COMT: variants seen among roughly 807,000 people sequenced by gnomAD.
COMT encodes the protein catechol-O-methyltransferase.
Under a neutral mutation model 18.9 loss-of-function variants are expected in COMT, and 13 were observed. The observed-to-expected ratio is 0.69, with a 90% CI of 0.45 to 1.09. The LOEUF (loss-of-function observed/expected upper bound fraction) is 1.09, where lower values mean the gene tolerates loss of function less well. Ranked by LOEUF, COMT falls within the 50% of genes least tolerant of loss-of-function variation. The pLI, the probability that COMT is intolerant of heterozygous loss-of-function variation, is 0.00. For missense variants in COMT, 329 were observed against 361.8 expected, an observed-to-expected ratio of 0.91 and a Z score of 0.73; for synonymous variants, 150 against 160.9, an observed-to-expected ratio of 0.93 and a Z score of 0.51.
At chr22:19,952,912 C>G (rs1305249407) in intron 1 of COMT, among the ~76,000 whole-genome samples, 2 of 151,918 alleles carry the variant, frequency 1.3e-5, no homozygotes, top group African/African-American at 2.4e-5. Flanking sequence ...GATCGCGCCA[C>G]TGCACTCCAG....
intron 1 of COMT, among the ~76,000 whole-genome samples, chr22:19,943,603 C>T (rs897838760): frequency 1.3e-5 from 2 of 150,672 alleles, no homozygotes; most frequent in Non-Finnish European, 3.0e-5. Flanking sequence ...GATCTTGCCT[C>T]TATACTCCAG....
chr22:19,967,451 A>C, intron 5 of COMT: 2 of 458,534 alleles, frequency 4.4e-6, no homozygotes, highest in Non-Finnish European at 8.9e-6. Context: ...TTCCTGCTCA[A>C]CTCCGGACCT....
At chr22:19,961,117 G>A (rs1942182878) in intron 1 of COMT, 82 bp from the exon 2 acceptor site, 2 of 152,394 alleles carry the variant, frequency 1.3e-5, no homozygotes, top group South Asian at 4.1e-4. Context: ...TCCGGGGAAG[G>A]GGCTCAGGTA....
chr22:19,952,377 T>G (rs9605040), intron 1 of COMT, among the ~76,000 whole-genome samples: 2 of 150,606 alleles, frequency 1.3e-5, no homozygotes, highest in Admixed American at 6.6e-5. Context: ...CGGTGGCTCA[T>G]GCCTGTAATC....
chr22:19,956,736 T>C (rs1942072774), intron 1 of COMT, among the ~76,000 whole-genome samples: 1 of 151,860 alleles, frequency 6.6e-6, no homozygotes, highest in Non-Finnish European at 1.5e-5. Context: ...GTCATATAAT[T>C]AGTTTATTTT....
chr22:19,956,593 A>G (rs1456893268), intron 1 of COMT, among the ~76,000 whole-genome samples: 1 of 151,914 alleles, frequency 6.6e-6, no homozygotes, highest in Non-Finnish European at 1.5e-5. Flanking sequence ...GGCCAGGCTG[A>G]TCTCGAAATC....
At chr22:19,951,535 G>A (rs903164787) in intron 1 of COMT, 9 of 152,202 alleles carry the variant, frequency 5.9e-5, no homozygotes, top group African/African-American at 1.7e-4. Flanking sequence ...AGATAACACG[G>A]ATCGCTGTGT....
intron 1 of COMT, among the ~76,000 whole-genome samples, chr22:19,943,894 G>C (rs1941792332): frequency 9.9e-6 from 1 of 100,674 alleles, no homozygotes; most frequent in Non-Finnish European, 2.1e-5. Context: ...TGGCATGCAG[G>C]AGCTGGAGGG....
At chr22:19,955,803 A>G (rs974903608) in intron 1 of COMT, among the ~76,000 whole-genome samples, 4 of 152,202 alleles carry the variant, frequency 2.6e-5, no homozygotes, top group Non-Finnish European at 4.4e-5. Flanking sequence ...GTGTGCCCCA[A>G]ATGGCCAGTG....
chr22:19,944,987 A>G (rs147945742), intron 1 of COMT, among the ~76,000 whole-genome samples: 231 of 152,346 alleles, frequency 1.5e-3, no homozygotes, highest in African/African-American at 5.2e-3. Flanking sequence ...ATTCTTATTT[A>G]CCAAATAATT....
At chr22:19,960,658 C>T (rs1942172758) in intron 1 of COMT, among the ~76,000 whole-genome samples, 1 of 152,252 alleles carries the variant, frequency 6.6e-6, no homozygotes, top group South Asian at 2.1e-4. Context: ...CAGCTGTGGA[C>T]AGGGGCACCC....
intron 1 of COMT, among the ~76,000 whole-genome samples, chr22:19,959,617 C>T (rs1231522715): frequency 6.6e-6 from 1 of 152,228 alleles, no homozygotes; most frequent in Non-Finnish European, 1.5e-5. Flanking sequence ...GTTGGTGGCC[C>T]GGGGCAGCCA....
intron 1 of COMT, among the ~76,000 whole-genome samples, chr22:19,954,639 A>G (rs1357230034): frequency 1.3e-5 from 2 of 151,988 alleles, no homozygotes; most frequent in Non-Finnish European, 2.9e-5. Context: ...TTTAATAGAG[A>G]CTGGGGTTTC....
At position 19,969,473 on chromosome 22, in the gene COMT, T is replaced by A. The variant is rs1942619933; in HGVS notation, c.*737T>A. On this transcript the variant is annotated 3_prime_UTR_variant, in exon 6 of 6. Transcript: ENST00000361682. ...TCCCTGTAGTTGCCTCCCTGGCCCA[T>A]GAGTGAGGATGCAGTGCTGGTTTCT... 6.6e-6 allele frequency: 1 copy of A among 152,214 alleles called. No homozygotes were observed. Among genetic ancestry groups the A allele is most frequent in the South Asian group, 2.1e-4 (1 of 4,812 alleles). 9.4% of individuals were successfully genotyped at this position (152,214 alleles called of 1,614,324 possible).
In COMT at chr22:19,964,374, G is replaced by C. The variant is rs4646315; in HGVS notation, c.615+75G>C. On this transcript the variant is annotated intron_variant, in intron 5 of 5. Coordinates refer to ENST00000361682, the MANE Select transcript of COMT (RefSeq NM_000754.4). Reference sequence around the variant, plus strand: ...TTCAGTCAGCCTCAGCCTCTCCAAAGAGCCAGGCATTCCAGTAGAGCCCTG... The same window carrying C: ...TTCAGTCAGCCTCAGCCTCTCCAAACAGCCAGGCATTCCAGTAGAGCCCTG... 0.19 allele frequency: 300,810 copies of C among 1,604,012 alleles called. 29,376 individuals carry two copies. Among genetic ancestry groups the C allele is most frequent in the South Asian group, 0.24 (21,957 of 90,490 alleles).
chr22:19,946,308 G>A (rs1350072125), intron 1 of COMT, among the ~76,000 whole-genome samples: 1 of 152,086 alleles, frequency 6.6e-6, no homozygotes, highest in Non-Finnish European at 1.5e-5. Flanking sequence ...CCAACATGGT[G>A]AAACCCTGTC....
At position 19,969,125 on chromosome 22, in the gene COMT, A is replaced by C; in HGVS notation, c.*389A>C. The stretch of plus-strand genomic sequence containing the variant: ...CTCCCCTTGACGGACGCTAACGCTA[A>C]GGGCGGGGCCCCTAGCTGGCTGGGT... On this transcript the variant is annotated 3_prime_UTR_variant, in exon 6 of 6. Coordinates refer to ENST00000361682, the MANE Select transcript of COMT (RefSeq NM_000754.4). 4.8e-6 allele frequency: 1 copy of C among 208,800 alleles called. No individual in the cohort carries two copies. The highest frequency in any genetic ancestry group is 9.8e-6 in the Non-Finnish European group (1 of 101,524). The allele number at this position is 208,800 out of a possible 1,614,324, so 12.9% of individuals were successfully genotyped here.
rs572292807 is a variant in COMT at position 19,954,271 on chromosome 22, A to C, written c.-91-6928A>C. Among the ~76,000 whole-genome samples the C allele has an allele frequency of 1.9e-3, 285 of 149,748 alleles. 6 individuals carry two copies. The South Asian group carries it at 0.021, about 11-fold the overall frequency. On this transcript the variant is annotated intron_variant, in intron 1 of 5. Transcript: ENST00000361682. ...CTGGGGGCCTGGCCCCACTGAGGAT[A>C]CCAGGCGGGGGAGGCTACAGGAGGC...
intron 5 of COMT, chr22:19,964,860 C>A: frequency 7.4e-6 from 2 of 269,192 alleles, no homozygotes; most frequent in South Asian, 4.7e-5. Flanking sequence ...CCTTCACAGA[C>A]TGATGCTTAA....
Sources: allele counts gnomAD v4.1 joint callset (sites outside exome capture counted in the v4.1 genomes callset), GRCh38; gene constraint gnomAD v4.1.1; transcripts MANE v1.5; gene names NCBI Gene and HGNC (gene_info 2026-07-23, HGNC 2026-07-21).